PRKAR1A: variants seen among roughly 807,000 people sequenced by gnomAD.
PRKAR1A encodes the protein cAMP-dependent protein kinase type I-alpha regulatory subunit.
Under a neutral mutation model 52.0 loss-of-function variants are expected in PRKAR1A, and 3 were observed. That is an observed-to-expected ratio of 0.06 (90% CI 0.03 to 0.15). PRKAR1A has a LOEUF of 0.15. Ranked by LOEUF, PRKAR1A falls within the 10% of genes least tolerant of loss-of-function variation. The pLI, the probability that PRKAR1A is intolerant of heterozygous loss-of-function variation, is 1.00. For synonymous variants in PRKAR1A, 188 were observed against 168.4 expected (o/e 1.12, Z -0.90); for missense variants, 240 against 477.4 (o/e 0.50, Z 4.63).
At chr17:68,505,159 A>T in the PRKAR1A span, among the ~76,000 whole-genome samples, 1 of 152,142 alleles carries the variant, frequency 6.6e-6, no homozygotes, top group African/African-American at 2.4e-5. Flanking sequence ...CTAGCTGAGC[A>T]TGGTGGTGTG....
chr17:68,541,437 A>G (rs1258799603), intron 11 of PRKAR1A: 1 of 198,982 alleles, frequency 5.0e-6, no homozygotes, highest in Non-Finnish European at 1.0e-5. Context: ...AGGATCTGTC[A>G]TGTCCTCCAG....
chr17:68,535,875 A>C (rs1302169381), downstream of PRKAR1A: 1 of 454,016 alleles, frequency 2.2e-6, no homozygotes, highest in Admixed American at 2.3e-5. Flanking sequence ...TTTGTGTTAC[A>C]GTGAAAAGAA....
chr17:68,497,620 G>A, the PRKAR1A span, among the ~76,000 whole-genome samples: 10 of 152,316 alleles, frequency 6.6e-5, no homozygotes, highest in Admixed American at 5.9e-4. Flanking sequence ...TGATAAAAAT[G>A]TGATAATTTA....
chr17:68,457,277 A>G, the PRKAR1A span: 1 of 1,521,774 alleles, frequency 6.6e-7, no homozygotes, highest in South Asian at 1.2e-5. Flanking sequence ...TGCTCTCAGG[A>G]CGACACCCCT....
chr17:68,491,818 C>A, the PRKAR1A span, among the ~76,000 whole-genome samples: 1 of 151,908 alleles, frequency 6.6e-6, no homozygotes, highest in Non-Finnish European at 1.5e-5. Context: ...TAGGTGGGAT[C>A]CTTAAAGGGC....
the PRKAR1A span, among the ~76,000 whole-genome samples, chr17:68,415,652 T>C: frequency 3.9e-5 from 6 of 152,234 alleles, no homozygotes; most frequent in Non-Finnish European, 8.8e-5. Context: ...TGTTGCCGTC[T>C]ATCTCATTTC....
At chr17:68,480,934 A>T in the PRKAR1A span, among the ~76,000 whole-genome samples, 1 of 152,220 alleles carries the variant, frequency 6.6e-6, no homozygotes, top group East Asian at 1.9e-4. Flanking sequence ...TTATTCAGGA[A>T]TCTTAGATTC....
At chr17:68,427,258 T>C in the PRKAR1A span, 1 of 1,608,818 alleles carries the variant, frequency 6.2e-7, no homozygotes, top group Non-Finnish European at 8.5e-7. Context: ...AGCAAGCTAC[T>C]TGTGACAATC....
chr17:68,413,758 T>C, the PRKAR1A span: 2 of 160,724 alleles, frequency 1.2e-5, no homozygotes, highest in Admixed American at 1.3e-4. Context: ...GTGCTAGCAA[T>C]CAGCGAGACT....
At position 68,526,614 on chromosome 17, in the gene PRKAR1A, C is replaced by T. The variant is rs117950336; in HGVS notation, c.708+702C>T. The stretch of plus-strand genomic sequence containing the variant: ...AGATTAGATAGATAGTCTTGTCCTT[C>T]GCAGCAACATAGATAGAGCTGGAGG... On this transcript the variant is annotated intron_variant, in intron 7 of 10. Transcript: ENST00000589228. Among the ~76,000 whole-genome samples, 114 of 152,210 alleles carry T rather than the reference C, an allele frequency of 7.5e-4. 1 individual carries two copies. In the East Asian group the frequency reaches 0.019, roughly 26 times the overall value.
Position 68,523,971 on chromosome 17 carries a change from G to A in PRKAR1A, c.441-45G>A, listed in dbSNP as rs28730841. The A allele has an allele frequency of 5.4e-3, 8,677 of 1,605,554 alleles. 45 individuals carry two copies. The highest frequency in any genetic ancestry group is 6.2e-3 in the South Asian group (568 of 90,888). On this transcript the variant is annotated intron_variant, in intron 4 of 10. Transcript: ENST00000589228. ...CTAAGCTTAATGTTTGAAATTCACG[G>A]AAGAGACATGTGAAATGTAACACGA...
chr17:68,485,975 G>GTGAT, the PRKAR1A span, among the ~76,000 whole-genome samples: 1 of 152,244 alleles, frequency 6.6e-6, no homozygotes, highest in East Asian at 1.9e-4. Flanking sequence ...CTGACCTCAA[G>GTGAT]TGATCTGCCC....
At chr17:68,517,662 C>T (rs1481233657) in intron 2 of PRKAR1A, among the ~76,000 whole-genome samples, 2 of 152,164 alleles carry the variant, frequency 1.3e-5, no homozygotes, top group South Asian at 2.1e-4. Flanking sequence ...ATGGGAACTG[C>T]AATTCAAGAT....
chr17:68,488,044 A>G, the PRKAR1A span, among the ~76,000 whole-genome samples: 1 of 152,180 alleles, frequency 6.6e-6, no homozygotes, highest in African/African-American at 2.4e-5. Context: ...CGTGATAAAT[A>G]TGAAGCACAG....
At chr17:68,436,343 G>A in the PRKAR1A span, 1 of 1,577,840 alleles carries the variant, frequency 6.3e-7, no homozygotes, top group Non-Finnish European at 8.7e-7. Flanking sequence ...ACACAGCCAA[G>A]GCAGGTGGGT....
chr17:68,539,817 G>A (rs893266607), intron 11 of PRKAR1A: 22 of 1,501,714 alleles, frequency 1.5e-5, no homozygotes, highest in Admixed American at 5.2e-5. Context: ...TGTTTCCCCC[G>A]AGCAGCTGGC....
At chr17:68,487,528 C>A in the PRKAR1A span, among the ~76,000 whole-genome samples, 1 of 152,082 alleles carries the variant, frequency 6.6e-6, no homozygotes, top group East Asian at 1.9e-4. Context: ...TGGGGTCGGG[C>A]GCGGTGGTTC....
chr17:68,532,556 T>TA lies in PRKAR1A; in HGVS notation c.*2108dup. The TA allele has an allele frequency of 9.4e-7, 1 of 1,065,962 alleles. No homozygotes were observed. Among genetic ancestry groups the TA allele is most frequent in the Non-Finnish European group, 1.1e-6 (1 of 879,422 alleles). 66.0% of individuals were successfully genotyped at this position (1,065,962 alleles called of 1,614,324 possible). A position where few individuals can be genotyped will look rare whatever the true frequency, so the allele number is the denominator to read the frequency against. On this transcript the variant is annotated 3_prime_UTR_variant, in exon 11 of 11. Coordinates refer to ENST00000589228, the MANE Select transcript of PRKAR1A (RefSeq NM_002734.5). The stretch of plus-strand genomic sequence containing the variant: ...AATTGGCATAATTTGTCTTAGTTGA[T>TA]ATTCAAGGCTTTAAAAGTCATTATT...
intron 11 of PRKAR1A, chr17:68,539,297 A>G (rs1218246840): frequency 1.9e-6 from 3 of 1,608,904 alleles, no homozygotes; most frequent in Non-Finnish European, 2.6e-6. Flanking sequence ...AAGGGTCACA[A>G]CTGTTACTTG....
Sources: gnomAD v4.1 joint callset for allele counts (sites outside exome capture counted in the v4.1 genomes callset) on GRCh38, gnomAD v4.1.1 for gene constraint, MANE v1.5 for transcripts, NCBI Gene and HGNC (gene_info 2026-07-23, HGNC 2026-07-21) for gene names.